Variants in ST18 observed in about 807,000 individuals in gnomAD.
ST18 encodes ST18 C2H2C-type zinc finger transcription factor.
In ST18, 50 loss-of-function variants were observed where a neutral mutation model predicts 110.0. The ratio of observed to expected loss-of-function variants is 0.45; its 90% CI spans 0.36 to 0.58. The LOEUF (loss-of-function observed/expected upper bound fraction) is 0.58, where lower values mean the gene tolerates loss of function less well. ST18 is among the 20% of genes least tolerant of loss of function. The probability of loss-of-function intolerance (pLI) is 0.00; values close to 1 mark genes in which losing one functional copy is unlikely to be tolerated. For synonymous variants in ST18, 461 were observed against 452.4 expected, an observed-to-expected ratio of 1.02 and a Z score of -0.24; for missense variants, 1,306 against 1,280.1, an observed-to-expected ratio of 1.02 and a Z score of -0.31.
intron 8 of ST18, among the ~76,000 whole-genome samples, chr8:52,200,216 T>C (rs1475677432): frequency 1.3e-5 from 2 of 152,044 alleles, no homozygotes. Context: ...ACAAAGTAAA[T>C]AAGTAGTTGG....
chr8:52,113,296 G>A lies in ST18; in HGVS notation c.3046C>T (p.Leu1016Phe), dbSNP rs915809636. The change falls in exon 26 of 26, where the codon CTC (leucine) becomes TTC (phenylalanine). Residue 1016 changes from leucine (L) to phenylalanine (F), a missense_variant. Leu to Phe is a conservative substitution (Grantham distance 22). Transcript: ENST00000689386. ...EQNFEAYVNTLTDMYSNLERD... is the reference protein window; with the variant it reads ...EQNFEAYVNTFTDMYSNLERD... ...TCCAGATTGCTGTACATATCTGTGA[G>A]TGTATTTACATATGCTTCAAAATTC... is the stretch of plus-strand genomic sequence containing the variant. The A allele has an allele frequency of 6.2e-7, 1 of 1,614,010 alleles. No homozygotes were observed. The highest frequency in any genetic ancestry group is 8.5e-7 in the Non-Finnish European group (1 of 1,179,912).
intron 2 of ST18, among the ~76,000 whole-genome samples, chr8:52,285,375 A>T (rs548578897): frequency 6.6e-6 from 1 of 152,296 alleles, no homozygotes; most frequent in South Asian, 2.1e-4. Flanking sequence ...TATATCCAAC[A>T]TCTGTCGTTA....
intron 2 of ST18, among the ~76,000 whole-genome samples, chr8:52,371,221 G>T (rs544371153): frequency 2.2e-4 from 33 of 152,252 alleles, no homozygotes; most frequent in African/African-American, 7.7e-4. Context: ...AGCTTTCTAG[G>T]TAAAACAAAG....
At chr8:52,250,552 A>G (rs1193735008) in intron 2 of ST18, among the ~76,000 whole-genome samples, 1 of 150,386 alleles carries the variant, frequency 6.6e-6, no homozygotes, top group Non-Finnish European at 1.5e-5. Context: ...TCTTAACCCA[A>G]CCCACAGGGT....
At chr8:52,113,445 C>T in intron 25 of ST18, 107 bp from the exon 26 acceptor site, 1 of 1,347,628 alleles carries the variant, frequency 7.4e-7, no homozygotes, top group Non-Finnish European at 1.0e-6. Context: ...GGAGGGAAGG[C>T]AAGGGTGCAT....
At chr8:52,132,206 G>A in intron 21 of ST18, 27 bp from the exon 22 acceptor site, 1 of 1,576,942 alleles carries the variant, frequency 6.3e-7, no homozygotes. Context: ...GACATTACCA[G>A]CCAGGAAGAA....
At chr8:52,170,414 T>G (rs1396937870) in intron 10 of ST18, among the ~76,000 whole-genome samples, 1 of 151,182 alleles carries the variant, frequency 6.6e-6, no homozygotes, top group Non-Finnish European at 1.5e-5. Context: ...ACGGCGCCAC[T>G]GCACTCCAGC....
chr8:52,148,714 G>A (rs577734919), intron 16 of ST18, among the ~76,000 whole-genome samples: 11 of 150,868 alleles, frequency 7.3e-5, no homozygotes, highest in African/African-American at 2.4e-4. Flanking sequence ...GGGGAGGGGA[G>A]GGGAGGGGAG....
chr8:52,351,532 T>G (rs991128613), intron 2 of ST18, among the ~76,000 whole-genome samples: 1 of 152,240 alleles, frequency 6.6e-6, no homozygotes, highest in African/African-American at 2.4e-5. Context: ...TGAACTCTCA[T>G]GACATAACAG....
chr8:52,311,449 A>G (rs1187209633), intron 2 of ST18, among the ~76,000 whole-genome samples: 1 of 152,066 alleles, frequency 6.6e-6, no homozygotes, highest in Admixed American at 6.5e-5. Flanking sequence ...CTACAGTTCT[A>G]TTGTCTCATC....
intron 8 of ST18, among the ~76,000 whole-genome samples, chr8:52,210,696 ATAAAAT>A (rs2081893369): frequency 6.6e-6 from 1 of 152,152 alleles, no homozygotes; most frequent in Non-Finnish European, 1.5e-5. Flanking sequence ...AAAAATAAAA[ATAAAAT>A]TAAAACAAAA....
Position 52,164,001 on chromosome 8 carries a change from G to A in ST18, c.1385C>T (p.Pro462Leu), listed in dbSNP as rs2062158351. 1.2e-6 allele frequency: 2 copies of A among 1,613,976 alleles called. No homozygotes were observed. The highest frequency in any genetic ancestry group is 2.2e-5 in the East Asian group (1 of 44,872). Reference protein sequence around the residue: ...QLDSPQTGQCPDQAHRTSLVK... With the variant: ...QLDSPQTGQCLDQAHRTSLVK... ...GGGTTCATACCTGTGGGCCTGGTCA[G>A]GACACTGCCCAGTTTGGGGAGAATC... is the stretch of plus-strand genomic sequence containing the variant. Residue 462 changes from proline to leucine, a missense_variant, in exon 13 of 26, where the codon CCT (proline) becomes CTT (leucine). Physicochemically the swap from Pro to Leu is moderately conservative, Grantham distance 98. Transcript: ENST00000689386.
intron 6 of ST18, among the ~76,000 whole-genome samples, 185 bp downstream of exon 6, chr8:52,217,561 C>A (rs1467348333): frequency 2.6e-5 from 4 of 151,722 alleles, no homozygotes; most frequent in Non-Finnish European, 2.9e-5. Flanking sequence ...GGTGAAATGG[C>A]AAGAGGAAAA....
At chr8:52,233,595 G>T (rs576024314) in intron 2 of ST18, among the ~76,000 whole-genome samples, 1 of 151,862 alleles carries the variant, frequency 6.6e-6, no homozygotes, top group African/African-American at 2.4e-5. Flanking sequence ...CTAAGTAAGC[G>T]TCTCTGGTTA....
intron 2 of ST18, among the ~76,000 whole-genome samples, chr8:52,333,625 G>A (rs1810656681): frequency 6.6e-6 from 1 of 152,190 alleles, no homozygotes; most frequent in Non-Finnish European, 1.5e-5. Flanking sequence ...AGAGATAAAG[G>A]AAACCTGAAA....
chr8:52,182,516 G>A (rs1039183563), intron 8 of ST18, among the ~76,000 whole-genome samples: 2 of 152,210 alleles, frequency 1.3e-5, no homozygotes, highest in Non-Finnish European at 2.9e-5. Flanking sequence ...GCTTGAGGAC[G>A]TTATTCTCAG....
At chr8:52,314,951 G>C (rs1007820967) in intron 2 of ST18, among the ~76,000 whole-genome samples, 1 of 152,130 alleles carries the variant, frequency 6.6e-6, no homozygotes, top group African/African-American at 2.4e-5. Context: ...AGTGGACAGA[G>C]AGGGCCAGGA....
intron 2 of ST18, among the ~76,000 whole-genome samples, chr8:52,377,832 A>G (rs1832994575): frequency 1.3e-5 from 2 of 152,208 alleles, no homozygotes; most frequent in African/African-American, 4.8e-5. Flanking sequence ...TCACAATAGC[A>G]AAGACTAGGA....
intron 8 of ST18, among the ~76,000 whole-genome samples, chr8:52,183,005 C>T (rs1388092368): frequency 6.6e-6 from 1 of 152,102 alleles, no homozygotes; most frequent in Non-Finnish European, 1.5e-5. Context: ...ATATCATCAT[C>T]CAAATTTACT....
Sources: gnomAD v4.1 joint callset for allele counts (sites outside exome capture counted in the v4.1 genomes callset) on GRCh38, gnomAD v4.1.1 for gene constraint, MANE v1.5 for transcripts, NCBI Gene and HGNC (gene_info 2026-07-23, HGNC 2026-07-21) for gene names.